ATP2C1: variants seen among roughly 807,000 people sequenced by gnomAD.
ATP2C1 encodes the protein ATPase secretory pathway Ca2+ transporting 1.
A neutral mutation model predicts 120.5 loss-of-function variants in ATP2C1; 31 were observed. That is an observed-to-expected ratio of 0.26 (90% CI 0.19 to 0.35). ATP2C1 has a LOEUF of 0.35. Among genes scored for constraint, ATP2C1 ranks in the 10% least tolerant of loss-of-function variants. The pLI is 1.00. For synonymous variants in ATP2C1, 351 were observed against 358.7 expected, an observed-to-expected ratio of 0.98 and a Z score of 0.24; for missense variants, 731 against 1,107.5, an observed-to-expected ratio of 0.66 and a Z score of 4.83.
chr3:130,982,059 G>T lies in ATP2C1; in HGVS notation c.1839+1380G>T, dbSNP rs1382045583. Among the ~76,000 whole-genome samples the T allele has an allele frequency of 2.0e-5, 3 of 151,926 alleles. No individual in the cohort carries two copies. In the East Asian group the frequency reaches 5.8e-4, roughly 29 times the overall value. On this transcript the variant is annotated intron_variant, in intron 20 of 27. Transcript: ENST00000510168. ...TAGTTTTTCAATTTCTTCTTTTATGGACTATGCTTTTGATATCTCAGAACT... is the reference window on the plus strand; with the variant it reads ...TAGTTTTTCAATTTCTTCTTTTATGTACTATGCTTTTGATATCTCAGAACT...
In ATP2C1 at chr3:131,001,729, G is replaced by A; in HGVS notation, c.*379G>A. ...TTTAAATATTGTACTATTTATGGTG[G>A]TGGGGCTTTCTTACTAATACACAAA... On this transcript the variant is annotated 3_prime_UTR_variant, in exon 28 of 28. Coordinates refer to ENST00000510168, the MANE Select transcript of ATP2C1 (RefSeq NM_001378687.1). 3.1e-6 allele frequency: 3 copies of A among 973,806 alleles called. No individual in the cohort carries two copies. The highest frequency in any genetic ancestry group is 3.7e-6 in the Non-Finnish European group (3 of 819,020). The allele number at this position is 973,806 out of a possible 1,614,324, so 60.3% of individuals were successfully genotyped here.
At chr3:130,990,605 T>C (rs774884829) in intron 20 of ATP2C1, among the ~76,000 whole-genome samples, 17 of 152,036 alleles carry the variant, frequency 1.1e-4, no homozygotes, top group Non-Finnish European at 1.9e-4. Flanking sequence ...CATTTGAGGG[T>C]TTTGAGAAGA....
In ATP2C1 at chr3:130,992,940, T is replaced by C; in HGVS notation, c.1840-11T>C. The C allele has an allele frequency of 1.2e-6, 2 of 1,607,386 alleles. No homozygotes were observed. The highest frequency in any genetic ancestry group is 1.7e-6 in the Non-Finnish European group (2 of 1,174,228). On this transcript the variant is annotated splice_polypyrimidine_tract_variant and intron_variant, in intron 20 of 27. Coordinates refer to ENST00000510168, the MANE Select transcript of ATP2C1 (RefSeq NM_001378687.1). ...TATTGAAGATTTTTAGTGTATCTTG[T>C]ATTTTAACAGGTTGCAGTATTTTAC...
At chr3:130,924,619 A>G (rs566710712) in intron 2 of ATP2C1, among the ~76,000 whole-genome samples, 94 of 152,190 alleles carry the variant, frequency 6.2e-4, no homozygotes, top group Non-Finnish European at 9.1e-4. Flanking sequence ...CTAGATCTCT[A>G]GCAAGACCGG....
At chr3:130,961,664 G>T (rs2060825815) in intron 12 of ATP2C1, among the ~76,000 whole-genome samples, 1 of 152,032 alleles carries the variant, frequency 6.6e-6, no homozygotes, top group Admixed American at 6.6e-5. Context: ...CATCATTTAA[G>T]AAGGTGTAAA....
intron 2 of ATP2C1, among the ~76,000 whole-genome samples, chr3:130,927,468 C>A (rs2059266411): frequency 6.6e-6 from 1 of 152,118 alleles, no homozygotes; most frequent in Non-Finnish European, 1.5e-5. Flanking sequence ...GTCTCGATCT[C>A]CTGACCTTGT....
chr3:131,005,696 A>AT (rs1452612548), downstream of ATP2C1, among the ~76,000 whole-genome samples: 3 of 152,240 alleles, frequency 2.0e-5, no homozygotes, highest in African/African-American at 7.2e-5. Flanking sequence ...AAATTAAGCG[A>AT]TAAGTCAAAG....
chr3:130,925,227 T>C (rs1436179234), intron 2 of ATP2C1, among the ~76,000 whole-genome samples: 1 of 152,190 alleles, frequency 6.6e-6, no homozygotes, highest in Non-Finnish European at 1.5e-5. Flanking sequence ...GATCTGGGAT[T>C]CAAGGGCTGC....
At chr3:130,940,283 TA>T (rs2059836466) in intron 6 of ATP2C1, among the ~76,000 whole-genome samples, 2 of 152,216 alleles carry the variant, frequency 1.3e-5, no homozygotes, top group South Asian at 4.1e-4. Flanking sequence ...ATTAGACACT[TA>T]ACATAAGATT....
chr3:130,977,607 A>G (rs929535733), intron 18 of ATP2C1, among the ~76,000 whole-genome samples: 3 of 152,112 alleles, frequency 2.0e-5, no homozygotes, highest in Non-Finnish European at 4.4e-5. Context: ...CATTATATTG[A>G]CTAATTCTTT....
chr3:131,009,158 T>G (rs1184403109), intron 26 of ATP2C1, among the ~76,000 whole-genome samples: 1 of 152,224 alleles, frequency 6.6e-6, no homozygotes, highest in Non-Finnish European at 1.5e-5. Context: ...CTGAATAGGC[T>G]TAAGTATGTT....
rs852218 is a variant in ATP2C1, at chr3:130,894,222, C to T, written c.-296C>T. On this transcript the variant is annotated 5_prime_UTR_variant, in exon 1 of 28. Coordinates refer to ENST00000510168, the MANE Select transcript of ATP2C1 (RefSeq NM_001378687.1). This position sits in a 1 kb window ranked among gnomAD's most constrained non-coding sequence, Gnocchi z 4.5. ...TTCTTCTCACGCCGGGAGCAGGCTC[C>T]CGCCTCGCACCGCTGCCCCGCGAGC... The T allele has an allele frequency of 1.0e-6, 1 of 985,156 alleles. No homozygotes were observed. Among genetic ancestry groups the T allele is most frequent in the Non-Finnish European group, 1.2e-6 (1 of 829,848 alleles). The allele number at this position is 985,156 out of a possible 1,614,324, so 61.0% of individuals were successfully genotyped here.
intron 2 of ATP2C1, among the ~76,000 whole-genome samples, chr3:130,911,296 C>G (rs1313058337): frequency 6.7e-6 from 1 of 148,786 alleles, no homozygotes; most frequent in East Asian, 2.0e-4. Flanking sequence ...GTAGTGATAT[C>G]CCCTTTATCA....
At chr3:130,932,253 G>GT in intron 4 of ATP2C1, 115 bp downstream of exon 4, 6 of 727,242 alleles carry the variant, frequency 8.3e-6, no homozygotes, top group Non-Finnish European at 1.4e-5. Context: ...ATTTTTAGAT[G>GT]TTTTTTACCT....
chr3:130,908,236 A>C (rs1401574410), intron 2 of ATP2C1, among the ~76,000 whole-genome samples: 1 of 152,118 alleles, frequency 6.6e-6, no homozygotes, highest in Non-Finnish European at 1.5e-5. Flanking sequence ...CTGTACTTGC[A>C]CAAATATACC....
At position 131,016,325 on chromosome 3, in the gene ATP2C1, G is replaced by T. The variant is rs749573329; in HGVS notation, c.*136G>T. 4 of 1,614,036 alleles carry T rather than the reference G, an allele frequency of 2.5e-6. No individual in the cohort carries two copies. In the South Asian group the frequency reaches 4.4e-5, roughly 18 times the overall value. On this transcript the variant is annotated 3_prime_UTR_variant, in exon 27 of 27. Coordinates refer to the ATP2C1 transcript ENST00000328560. Reference sequence around the variant, plus strand: ...TACAACATCTTAGCACCATCTTCCTGCAGCTCTTCCTTACCTAAATAAAGA... The same window carrying T: ...TACAACATCTTAGCACCATCTTCCTTCAGCTCTTCCTTACCTAAATAAAGA...
chr3:130,874,380 T>A (rs755590153), intron 1 of ATP2C1, among the ~76,000 whole-genome samples: 1 of 152,236 alleles, frequency 6.6e-6, no homozygotes, highest in Non-Finnish European at 1.5e-5. Flanking sequence ...TTTTTGGACA[T>A]CTTATTCTGT....
At chr3:130,973,701 T>A (rs1411308237) in intron 17 of ATP2C1, among the ~76,000 whole-genome samples, 5 of 152,200 alleles carry the variant, frequency 3.3e-5, no homozygotes, top group African/African-American at 1.2e-4. Context: ...GGACTGCTGC[T>A]AAGTAACAGA....
chr3:130,853,169 T>A (rs1282437569), intron 1 of ATP2C1, among the ~76,000 whole-genome samples: 1 of 152,196 alleles, frequency 6.6e-6, no homozygotes, highest in Non-Finnish European at 1.5e-5. Context: ...TCATTAGCCG[T>A]AAGTAAAAAT....
Sources: gnomAD v4.1 joint callset for allele counts (sites outside exome capture counted in the v4.1 genomes callset) on GRCh38, gnomAD v4.1.1 for gene constraint, Gnocchi (gnomAD v3.1) non-coding constraint, MANE v1.5 for transcripts, NCBI Gene and HGNC (gene_info 2026-07-23, HGNC 2026-07-21) for gene names.